The following SLC7A2 variants were observed in gnomAD, a reference collection of about 807,000 sequenced individuals.
SLC7A2 encodes solute carrier family 7 member 2, also known as cationic amino acid transporter 2.
Under a neutral mutation model 58.9 loss-of-function variants are expected in SLC7A2, and 48 were observed. That is an observed-to-expected ratio of 0.82 (90% CI 0.65 to 1.04). SLC7A2 has a LOEUF of 1.04. Ranked by LOEUF, SLC7A2 falls within the 50% of genes least tolerant of loss-of-function variation. The pLI, the probability that SLC7A2 is intolerant of heterozygous loss-of-function variation, is 0.00. For synonymous variants in SLC7A2, 363 were observed against 314.5 expected (o/e 1.15, Z -1.63); for missense variants, 1,029 against 818.8 (o/e 1.26, Z -3.13).
chr8:17,496,141 T>C (rs940336241), upstream of SLC7A2, among the ~76,000 whole-genome samples: 3 of 152,158 alleles, frequency 2.0e-5, no homozygotes, highest in Non-Finnish European at 4.4e-5. Flanking sequence ...ACAAAAATAG[T>C]AATAGGCCGG....
intron 1 of SLC7A2, chr8:17,500,024 A>C (rs1216819268): frequency 3.9e-5 from 6 of 152,198 alleles, no homozygotes; most frequent in African/African-American, 1.2e-4. Flanking sequence ...TTATTCCTTC[A>C]TTGAAAACTT....
At chr8:17,526,837 A>G (rs1042202863) in intron 2 of SLC7A2, among the ~76,000 whole-genome samples, 2 of 152,206 alleles carry the variant, frequency 1.3e-5, no homozygotes, top group African/African-American at 4.8e-5. Context: ...TTTCTCCACG[A>G]TTATTACACT....
At chr8:17,549,558 C>G (rs1186715735) in intron 5 of SLC7A2, among the ~76,000 whole-genome samples, 2 of 152,178 alleles carry the variant, frequency 1.3e-5, no homozygotes, top group Non-Finnish European at 2.9e-5. Context: ...TTTTTGAGTC[C>G]TGCATCCTTT....
At chr8:17,539,426 C>A (rs1801814635) in intron 2 of SLC7A2, among the ~76,000 whole-genome samples, 1 of 152,148 alleles carries the variant, frequency 6.6e-6, no homozygotes, top group Non-Finnish European at 1.5e-5. Flanking sequence ...TAGTTCCTTC[C>A]AGCCCTCCCT....
chr8:17,513,370 G>A (rs569530986), intron 2 of SLC7A2, among the ~76,000 whole-genome samples: 105 of 152,162 alleles, frequency 6.9e-4, no homozygotes, highest in African/African-American at 2.2e-3. Flanking sequence ...ACTGAAGTCT[G>A]AAGGGTTTTT....
At chr8:17,502,011 T>G (rs1203211835) in intron 1 of SLC7A2, among the ~76,000 whole-genome samples, 1 of 152,084 alleles carries the variant, frequency 6.6e-6, no homozygotes, top group Non-Finnish European at 1.5e-5. Flanking sequence ...GGGAAAATTC[T>G]CTTCTTTCCT....
chr8:17,524,454 A>C (rs971060262), intron 2 of SLC7A2, among the ~76,000 whole-genome samples: 3 of 149,352 alleles, frequency 2.0e-5, no homozygotes, highest in Non-Finnish European at 3.0e-5. Context: ...ACACACACAC[A>C]CACCATGGAA....
chr8:17,509,105 T>G lies in SLC7A2; in HGVS notation c.-23+6803T>G, dbSNP rs1351116122. 2.6e-5 allele frequency among the ~76,000 whole-genome samples: 4 copies of G among 152,122 alleles called. No individual in the cohort carries two copies. The East Asian group carries it at 7.7e-4, about 29-fold the overall frequency. On this transcript the variant is annotated intron_variant, in intron 2 of 12. Transcript: ENST00000494857. The stretch of plus-strand genomic sequence containing the variant: ...TGTAGTTGTTGGTACCAACTGTAAT[T>G]GAAAGTTCGAGTCATCTGTTTAAAG...
intron 2 of SLC7A2, chr8:17,538,852 T>G: frequency 6.2e-7 from 1 of 1,613,334 alleles, no homozygotes; most frequent in South Asian, 1.1e-5. Context: ...TGGTTATAAC[T>G]CAGACAAACT....
At chr8:17,552,791 A>G (rs1585255628) in intron 7 of SLC7A2, among the ~76,000 whole-genome samples, 1 of 152,214 alleles carries the variant, frequency 6.6e-6, no homozygotes, top group African/African-American at 2.4e-5. Flanking sequence ...CAATTAACAT[A>G]TGAGTCAGAT....
intron 2 of SLC7A2, among the ~76,000 whole-genome samples, chr8:17,530,130 G>A (rs1801385363): frequency 6.6e-6 from 1 of 151,954 alleles, no homozygotes; most frequent in Non-Finnish European, 1.5e-5. Context: ...CCTACCCCGT[G>A]CTATATAAAT....
chr8:17,543,189 A>AACAC (rs112878892), intron 2 of SLC7A2, 129 bp from the exon 3 acceptor site: 174 of 673,658 alleles, frequency 2.6e-4, no homozygotes, highest in African/African-American at 8.3e-4. Context: ...TAACAAGTGA[A>AACAC]ACACACACAC....
rs1803018935 is a variant in SLC7A2, at chr8:17,562,005, G to A, written c.1566G>A (p.Leu522=). The A allele has an allele frequency of 6.2e-7, 1 of 1,613,704 alleles. No homozygotes were observed. The highest frequency in any genetic ancestry group is 1.7e-5 in the Admixed American group (1 of 60,000). ...TTYGVHAITR[L]EAWSLALLAL... ...ACGGAGTTCATGCCATCACCAGGCTGGAGGCCTGGAGCCTCGCTCTCCTCG... is the reference window on the plus strand; with the variant it reads ...ACGGAGTTCATGCCATCACCAGGCTAGAGGCCTGGAGCCTCGCTCTCCTCG... The change falls in exon 11 of 13, where the codon CTG becomes CTA. Residue 522 remains leucine, a synonymous_variant. Transcript: ENST00000494857.
intron 2 of SLC7A2, among the ~76,000 whole-genome samples, chr8:17,529,532 GTT>G (rs58195705): frequency 5.5e-4 from 77 of 139,440 alleles, no homozygotes; most frequent in Non-Finnish European, 9.2e-4. Flanking sequence ...TTGTTTTTTT[GTT>G]TTTTTTTTTT....
intron 2 of SLC7A2, among the ~76,000 whole-genome samples, chr8:17,530,292 G>A (rs1295636066): frequency 6.6e-6 from 1 of 152,152 alleles, no homozygotes; most frequent in Non-Finnish European, 1.5e-5. Flanking sequence ...AGCTCGGATG[G>A]CCTGGGAGCC....
At position 17,551,908 on chromosome 8, in the gene SLC7A2, C is replaced by A; in HGVS notation, c.977C>A (p.Pro326His). Residue 326 changes from proline (P) to histidine (H), a missense_variant, in exon 7 of 13, where the codon CCT becomes CAT. Pro to His is a moderately conservative substitution (Grantham distance 77, BLOSUM62 -2). Coordinates refer to ENST00000494857, the MANE Select transcript of SLC7A2 (RefSeq NM_001370338.1). ...YYLLDEKSPL[P>H]VAFEYVGWGP... ...CTCCTCGATGAAAAAAGCCCCCTTCCTGTAGCGTTTGAATATGTGGGATGG... is the reference window on the plus strand; with the variant it reads ...CTCCTCGATGAAAAAAGCCCCCTTCATGTAGCGTTTGAATATGTGGGATGG... 1.2e-6 allele frequency: 2 copies of A among 1,613,984 alleles called. No individual in the cohort carries two copies. Among genetic ancestry groups the A allele is most frequent in the South Asian group, 2.2e-5 (2 of 91,070 alleles).
At chr8:17,501,468 CTTATTTAGACTTTTAGTA>C (rs1190424933) in intron 1 of SLC7A2, among the ~76,000 whole-genome samples, 2 of 152,072 alleles carry the variant, frequency 1.3e-5, no homozygotes, top group African/African-American at 2.4e-5. Flanking sequence ...GGTCACGTCT[CTTATTTAGACTTTTAGTA>C]TTATTTAGAC....
chr8:17,524,581 T>A (rs1801151021), intron 2 of SLC7A2, among the ~76,000 whole-genome samples: 1 of 152,018 alleles, frequency 6.6e-6, no homozygotes, highest in Non-Finnish European at 1.5e-5. Context: ...ATTGTTATGT[T>A]CTCAGTCACA....
intron 2 of SLC7A2, among the ~76,000 whole-genome samples, chr8:17,514,614 T>G (rs1414232974): frequency 6.6e-6 from 1 of 152,172 alleles, no homozygotes; most frequent in Non-Finnish European, 1.5e-5. Context: ...GAAACTCAAT[T>G]TTGCTTGGTA....
Sources: allele counts gnomAD v4.1 joint callset (sites outside exome capture counted in the v4.1 genomes callset), GRCh38; gene constraint gnomAD v4.1.1; transcripts MANE v1.5; gene names NCBI Gene and HGNC (gene_info 2026-07-23, HGNC 2026-07-21).